Variants in SPIN1 observed in about 807,000 individuals in gnomAD.
The protein encoded by SPIN1 is spindlin 1.
A neutral mutation model predicts 26.0 loss-of-function variants in SPIN1; 3 were observed. The ratio of observed to expected loss-of-function variants is 0.12; its 90% CI spans 0.05 to 0.30. SPIN1 has a LOEUF of 0.30. Among genes scored for constraint, SPIN1 ranks in the 10% least tolerant of loss-of-function variants. The pLI, the probability that SPIN1 is intolerant of heterozygous loss-of-function variation, is 1.00. For synonymous variants in SPIN1, 101 were observed against 116.5 expected (o/e 0.87, Z 0.86); for missense variants, 126 against 333.4 (o/e 0.38, Z 4.84).
intron 1 of SPIN1, among the ~76,000 whole-genome samples, chr9:88,424,228 G>C (rs1392051863): frequency 6.6e-6 from 1 of 152,122 alleles, no homozygotes; most frequent in Non-Finnish European, 1.5e-5. Context: ...AGTCAATTTG[G>C]TGGTAAAGTG....
chr9:88,422,023 A>G (rs1316330189), intron 1 of SPIN1, among the ~76,000 whole-genome samples: 2 of 152,186 alleles, frequency 1.3e-5, no homozygotes, highest in Admixed American at 6.5e-5. Context: ...AAATTGTTTT[A>G]TCTTTCAATT....
At chr9:88,406,763 T>C (rs940170237) in intron 1 of SPIN1, among the ~76,000 whole-genome samples, 3 of 152,188 alleles carry the variant, frequency 2.0e-5, no homozygotes, top group African/African-American at 7.2e-5. Context: ...TTTTAGATGC[T>C]TATTTTTTAT....
chr9:88,436,799 C>G (rs1391292663), intron 2 of SPIN1, among the ~76,000 whole-genome samples: 1 of 116,940 alleles, frequency 8.6e-6, no homozygotes, highest in African/African-American at 3.1e-5. Context: ...GAGTCTCGCT[C>G]TGTCGCCCAG....
At chr9:88,470,869 C>T (rs1289127127) in intron 5 of SPIN1, among the ~76,000 whole-genome samples, 2 of 152,232 alleles carry the variant, frequency 1.3e-5, no homozygotes, top group East Asian at 3.9e-4. Context: ...GCCGGGATTA[C>T]AGACATGAGC....
At chr9:88,425,164 G>A (rs537966222) in intron 1 of SPIN1, among the ~76,000 whole-genome samples, 1 of 152,218 alleles carries the variant, frequency 6.6e-6, no homozygotes, top group South Asian at 2.1e-4. Context: ...GCTGGGGGAA[G>A]AGAGTAATAG....
intron 1 of SPIN1, among the ~76,000 whole-genome samples, chr9:88,390,640 C>T (rs75535371): frequency 4.4e-4 from 67 of 152,218 alleles, no homozygotes; most frequent in Non-Finnish European, 8.8e-4. Context: ...TTTCCCTTTC[C>T]ATGAATGAAA....
intron 2 of SPIN1, among the ~76,000 whole-genome samples, chr9:88,439,624 TC>T (rs1273470576): frequency 1.3e-5 from 2 of 152,198 alleles, no homozygotes; most frequent in Non-Finnish European, 2.9e-5. Flanking sequence ...TTCCTATAGT[TC>T]CATCAGCTTT....
At chr9:88,430,056 T>C (rs186760789) in intron 2 of SPIN1, among the ~76,000 whole-genome samples, 2 of 152,366 alleles carry the variant, frequency 1.3e-5, no homozygotes, top group Admixed American at 1.3e-4. Flanking sequence ...CCTGTTAGCA[T>C]AGACAAATGC....
chr9:88,420,656 T>G (rs1827651167), intron 1 of SPIN1, among the ~76,000 whole-genome samples: 1 of 152,234 alleles, frequency 6.6e-6, no homozygotes, highest in Non-Finnish European at 1.5e-5. Context: ...GTGGTAGTCT[T>G]GAGGTCTTTG....
chr9:88,434,031 A>C lies in SPIN1; in HGVS notation c.52+7440A>C, dbSNP rs1240284045. 2.6e-5 allele frequency among the ~76,000 whole-genome samples: 4 copies of C among 152,264 alleles called. No homozygotes were observed. In the South Asian group the frequency reaches 6.2e-4, roughly 24 times the overall value. The stretch of plus-strand genomic sequence containing the variant: ...CTATCGATAGTTAAGTGAGAACTCA[A>C]GGGGAGGAGTGAGTCATAGGGTTGG... On this transcript the variant is annotated intron_variant, in intron 2 of 5. Coordinates refer to ENST00000375859, the MANE Select transcript of SPIN1 (RefSeq NM_006717.3).
chr9:88,444,609 C>T (rs1485380712), intron 2 of SPIN1, among the ~76,000 whole-genome samples: 2 of 151,612 alleles, frequency 1.3e-5, no homozygotes, highest in Non-Finnish European at 2.9e-5. Flanking sequence ...CATTTTAGAT[C>T]TCAGATCATT....
chr9:88,434,290 AAATAG>A (rs1222233411), intron 2 of SPIN1, among the ~76,000 whole-genome samples: 1 of 150,798 alleles, frequency 6.6e-6, no homozygotes, highest in Non-Finnish European at 1.5e-5. Flanking sequence ...TTTTAGAGTC[AAATAG>A]AATAGTTTAT....
chr9:88,475,042 T>C lies in SPIN1; in HGVS notation c.590-36T>C, dbSNP rs563208571. 1,384 of 1,368,720 alleles carry C rather than the reference T, an allele frequency of 1.0e-3. 2 individuals are homozygous for C. The highest frequency in any genetic ancestry group is 1.4e-3 in the Admixed American group (48 of 33,362). 84.8% of individuals were successfully genotyped at this position (1,368,720 alleles called of 1,614,324 possible). A position where few individuals can be genotyped will look rare whatever the true frequency, so the allele number is the denominator to read the frequency against. ...AAAATTGACTTAGAAATTTTCTCTC[T>C]CTCTCTTTTTTTTTTTTTTTTTTTT... On this transcript the variant is annotated intron_variant, in intron 5 of 5. Coordinates refer to ENST00000375859, the MANE Select transcript of SPIN1 (RefSeq NM_006717.3).
chr9:88,470,849 C>T (rs1828769703), intron 5 of SPIN1, among the ~76,000 whole-genome samples: 1 of 152,224 alleles, frequency 6.6e-6, no homozygotes, highest in African/African-American at 2.4e-5. Flanking sequence ...CTGCCTTGGC[C>T]TCCCAAAGGG....
chr9:88,396,959 AAG>A (rs1827076302), intron 1 of SPIN1, among the ~76,000 whole-genome samples: 1 of 152,032 alleles, frequency 6.6e-6, no homozygotes. Flanking sequence ...TGTGGTATAA[AAG>A]AGAAATGGCA....
At chr9:88,441,398 C>CGT (rs60571153) in intron 2 of SPIN1, among the ~76,000 whole-genome samples, 2,947 of 137,808 alleles carry the variant, frequency 0.021, 76 homozygotes, top group Non-Finnish European at 0.027. Context: ...TGCTGCCATT[C>CGT]GTGTGTGTGT....
chr9:88,397,911 A>T (rs1227957959), intron 1 of SPIN1, among the ~76,000 whole-genome samples: 1 of 151,772 alleles, frequency 6.6e-6, no homozygotes, highest in Non-Finnish European at 1.5e-5. Context: ...GGTGTGAGCC[A>T]CCGTGCCCAG....
intron 1 of SPIN1, among the ~76,000 whole-genome samples, chr9:88,407,626 C>T (rs1474209818): frequency 6.6e-6 from 1 of 150,816 alleles, no homozygotes; most frequent in African/African-American, 2.4e-5. Flanking sequence ...GCCTGGGCAA[C>T]ATAGTGAGAC....
intron 3 of SPIN1, among the ~76,000 whole-genome samples, chr9:88,459,598 CTCCTGTTTTT>C (rs747309037): frequency 6.6e-6 from 1 of 151,978 alleles, no homozygotes; most frequent in Non-Finnish European, 1.5e-5. Flanking sequence ...ATATTCTTTT[CTCCTGTTTTT>C]GAGAGTTGTG....
Sources: gnomAD v4.1 joint callset for allele counts (sites outside exome capture counted in the v4.1 genomes callset) on GRCh38, gnomAD v4.1.1 for gene constraint, MANE v1.5 for transcripts, NCBI Gene and HGNC (gene_info 2026-07-23, HGNC 2026-07-21) for gene names.